Variants in PPFIA2 observed in about 807,000 individuals in gnomAD.
PPFIA2 encodes the protein liprin-alpha-2.
A neutral mutation model predicts 175.5 loss-of-function variants in PPFIA2; 46 were observed. That is an observed-to-expected ratio of 0.26 (90% confidence interval 0.21 to 0.34). The LOEUF (loss-of-function observed/expected upper bound fraction) is 0.34, where lower values mean the gene tolerates loss of function less well. Ranked by LOEUF, PPFIA2 falls within the 10% of genes least tolerant of loss-of-function variation. PPFIA2 has a pLI of 1.00. For synonymous variants in PPFIA2, 568 were observed against 511.4 expected, an observed-to-expected ratio of 1.11 and a Z score of -1.49; for missense variants, 1,179 against 1,506.1, an observed-to-expected ratio of 0.78 and a Z score of 3.60.
At chr12:81,386,035 G>GCT (rs1156789506) in intron 8 of PPFIA2, among the ~76,000 whole-genome samples, 1 of 151,738 alleles carries the variant, frequency 6.6e-6, no homozygotes, top group Non-Finnish European at 1.5e-5. Flanking sequence ...CAGTGCTTTG[G>GCT]GAGGCTGAGG....
chr12:81,580,323 T>C (rs2074217287), intron 4 of PPFIA2, among the ~76,000 whole-genome samples: 2 of 151,724 alleles, frequency 1.3e-5, no homozygotes, highest in South Asian at 4.1e-4. Context: ...AAATCCCTTG[T>C]CCAGAAGGTG....
chr12:81,314,797 TTTAAATTAGTTA>T, intron 22 of PPFIA2, among the ~76,000 whole-genome samples: 1 of 152,026 alleles, frequency 6.6e-6, no homozygotes, highest in East Asian at 1.9e-4. Context: ...CAGACATATT[TTTAAATTAGTTA>T]TTAACATCAA....
At chr12:81,338,245 T>C (rs536303299) in intron 21 of PPFIA2, among the ~76,000 whole-genome samples, 1 of 152,222 alleles carries the variant, frequency 6.6e-6, no homozygotes, top group African/African-American at 2.4e-5. Context: ...TTTGGATCAT[T>C]CCATTCAGCA....
intron 4 of PPFIA2, among the ~76,000 whole-genome samples, chr12:81,509,583 C>T (rs2061550000): frequency 6.6e-6 from 1 of 151,128 alleles, no homozygotes; most frequent in Admixed American, 6.6e-5. Context: ...TGCTTCTGAA[C>T]CTGCTCACTC....
intron 24 of PPFIA2, chr12:81,294,491 A>G (rs1346247785): frequency 5.3e-6 from 1 of 187,964 alleles, no homozygotes; most frequent in Non-Finnish European, 1.0e-5. Context: ...GGAAGGAAAG[A>G]AGGAAGGAAG....
At chr12:81,368,382 C>T (rs2034143373) in intron 13 of PPFIA2, among the ~76,000 whole-genome samples, 1 of 151,590 alleles carries the variant, frequency 6.6e-6, no homozygotes, top group African/African-American at 2.4e-5. Flanking sequence ...ACCTTCCCCC[C>T]AAAAAAGTAT....
chr12:81,473,784 G>A (rs1237509817), intron 4 of PPFIA2, among the ~76,000 whole-genome samples: 2 of 152,146 alleles, frequency 1.3e-5, no homozygotes, highest in African/African-American at 4.8e-5. Context: ...GCAGAACCAT[G>A]ACTTTGCTTA....
In PPFIA2 at chr12:81,305,158, G is replaced by A. The variant is rs112396768; in HGVS notation, c.2643-5776C>T. Reference sequence around the variant, plus strand: ...TTGGCTATGTACTTAATCTCTTTGAGACTTAATTTTCCCATATTTGAAGAT... The same window carrying A: ...TTGGCTATGTACTTAATCTCTTTGAAACTTAATTTTCCCATATTTGAAGAT... On this transcript the variant is annotated intron_variant, in intron 22 of 32. Coordinates refer to ENST00000549396, the MANE Select transcript of PPFIA2 (RefSeq NM_003625.5). Among the ~76,000 whole-genome samples, 362 of 152,072 alleles carry A rather than the reference G, an allele frequency of 2.4e-3. 1 individual carries two copies. Among genetic ancestry groups the A allele is most frequent in the African/African-American group, 8.5e-3 (352 of 41,476 alleles).
At chr12:81,302,662 G>A (rs1417549596) in intron 22 of PPFIA2, 1 of 453,586 alleles carries the variant, frequency 2.2e-6, no homozygotes, top group Non-Finnish European at 4.4e-6. Context: ...CCAGGACTGT[G>A]TGCTACATGA....
At chr12:81,324,410 G>A (rs2054314137) in intron 22 of PPFIA2, among the ~76,000 whole-genome samples, 1 of 151,982 alleles carries the variant, frequency 6.6e-6, no homozygotes, top group African/African-American at 2.4e-5. Flanking sequence ...AAGCTGTTCA[G>A]ATTGCCATTC....
chr12:81,492,206 C>T (rs1430224947), intron 4 of PPFIA2, among the ~76,000 whole-genome samples: 1 of 151,372 alleles, frequency 6.6e-6, no homozygotes, highest in African/African-American at 2.4e-5. Flanking sequence ...AAAAAACCCA[C>T]AAAAAGTCTC....
At chr12:81,755,400 G>C (rs2084484110) in intron 2 of PPFIA2, among the ~76,000 whole-genome samples, 1 of 152,140 alleles carries the variant, frequency 6.6e-6, no homozygotes, top group African/African-American at 2.4e-5. Context: ...GTAAAGAAAG[G>C]CAGGTTTGGC....
chr12:81,699,116 T>C (rs2153599031), intron 3 of PPFIA2, among the ~76,000 whole-genome samples: 1 of 152,126 alleles, frequency 6.6e-6, no homozygotes, highest in African/African-American at 2.4e-5. Context: ...CATTATAGGA[T>C]TAAAGAAATT....
At chr12:81,569,009 T>G (rs989554628) in intron 4 of PPFIA2, among the ~76,000 whole-genome samples, 5 of 152,282 alleles carry the variant, frequency 3.3e-5, no homozygotes, top group African/African-American at 1.2e-4. Context: ...ATATTAGATA[T>G]TGTTCTACTT....
At chr12:81,448,633 G>T (rs993432730) in intron 5 of PPFIA2, among the ~76,000 whole-genome samples, 6 of 152,166 alleles carry the variant, frequency 3.9e-5, no homozygotes, top group African/African-American at 1.4e-4. Context: ...TTCATTGGCT[G>T]CCTTGCAGTT....
chr12:81,488,719 C>G (rs867580337), intron 4 of PPFIA2, among the ~76,000 whole-genome samples: 1 of 151,746 alleles, frequency 6.6e-6, no homozygotes, highest in African/African-American at 2.4e-5. Flanking sequence ...GATCTTCAGA[C>G]AAAATTTGGA....
chr12:81,528,197 G>C (rs959113437), intron 4 of PPFIA2, among the ~76,000 whole-genome samples: 5 of 151,968 alleles, frequency 3.3e-5, no homozygotes, highest in African/African-American at 9.7e-5. Context: ...GCAAAAATTA[G>C]GGCAGTCACC....
At chr12:81,672,421 T>C (rs894826944) in intron 4 of PPFIA2, among the ~76,000 whole-genome samples, 3 of 151,956 alleles carry the variant, frequency 2.0e-5, no homozygotes, top group Non-Finnish European at 2.9e-5. Context: ...TTATCTAAAT[T>C]GCTAAGGACC....
rs367738972 is a variant in PPFIA2, at chr12:81,266,925, T to A, written c.3555+27A>T. The A allele has an allele frequency of 4.5e-6, 7 of 1,543,288 alleles. No individual in the cohort carries two copies. The African/African-American group carries it at 9.5e-5, about 21-fold the overall frequency. ...ATCATTTTTCTTTTACTCTCTCAGA[T>A]CTCTTTTGAATAACAGGTGGACTTA... On this transcript the variant is annotated intron_variant, in intron 30 of 32. Transcript: ENST00000549396.
Sources: gnomAD v4.1 joint callset for allele counts (sites outside exome capture counted in the v4.1 genomes callset) on GRCh38, gnomAD v4.1.1 for gene constraint, MANE v1.5 for transcripts, NCBI Gene and HGNC (gene_info 2026-07-23, HGNC 2026-07-21) for gene names.